The following ERC1 variants were observed in gnomAD, a reference collection of about 807,000 sequenced individuals.
The protein encoded by ERC1 is ELKS/RAB6-interacting/CAST family member 1, also known as RAB6 interacting protein 2.
A neutral mutation model predicts 132.0 loss-of-function variants in ERC1; 56 were observed. The observed-to-expected ratio is 0.42, with a 90% CI of 0.34 to 0.53. The LOEUF (loss-of-function observed/expected upper bound fraction) is 0.53, where lower values mean the gene tolerates loss of function less well. Ranked by LOEUF, ERC1 falls within the 20% of genes least tolerant of loss-of-function variation. The pLI is 0.03. For missense variants in ERC1, 1,202 were observed against 1,349.9 expected, an observed-to-expected ratio of 0.89 and a Z score of 1.72; for synonymous variants, 478 against 476.1, an observed-to-expected ratio of 1.00 and a Z score of -0.05.
At chr12:1,116,836 C>T (rs1051243271) in intron 7 of ERC1, among the ~76,000 whole-genome samples, 8 of 152,178 alleles carry the variant, frequency 5.3e-5, no homozygotes, top group Non-Finnish European at 1.2e-4. Context: ...CCGCCTCTGC[C>T]TCCCAAAGTG....
At chr12:1,363,686 C>A (rs1000399734) in intron 15 of ERC1, among the ~76,000 whole-genome samples, 5 of 151,652 alleles carry the variant, frequency 3.3e-5, no homozygotes, top group African/African-American at 1.2e-4. Context: ...CCCCAGGTAG[C>A]TGGGACTATA....
intron 8 of ERC1, among the ~76,000 whole-genome samples, chr12:1,160,689 C>T (rs1179192082): frequency 6.6e-6 from 1 of 151,946 alleles, no homozygotes; most frequent in South Asian, 2.1e-4. Context: ...CCAGCCTGGG[C>T]GAAAGAACAA....
chr12:1,494,998 G>A lies in ERC1; in HGVS notation c.*4768G>A. 4.3e-6 allele frequency: 1 copy of A among 230,066 alleles called. No individual in the cohort carries two copies. Among genetic ancestry groups the A allele is most frequent in the Non-Finnish European group, 8.6e-6 (1 of 116,058 alleles). The allele number at this position is 230,066 out of a possible 1,614,324, so 14.3% of individuals were successfully genotyped here. ...GAGACACCTGCCGAGCAAAAGGAAC[G>A]AGAATCTGGGGCTCAGAGCCTCGCA... is the stretch of plus-strand genomic sequence containing the variant. On this transcript the variant is annotated 3_prime_UTR_variant, in exon 19 of 19. Coordinates refer to ENST00000360905, the MANE Select transcript of ERC1 (RefSeq NM_178040.4).
chr12:1,013,749 GGTCT>G (rs1368622863), intron 1 of ERC1, among the ~76,000 whole-genome samples: 4 of 151,820 alleles, frequency 2.6e-5, no homozygotes, highest in South Asian at 2.1e-4. Flanking sequence ...TCTGTCTTTG[GGTCT>G]GTCTGTCTTC....
chr12:1,459,301 A>T (rs12422849), intron 18 of ERC1, among the ~76,000 whole-genome samples: 9,353 of 152,270 alleles, frequency 0.061, 318 homozygotes, highest in East Asian at 0.12. Context: ...GAAATCTCTG[A>T]ACCTCATGGC....
chr12:1,183,316 T>G lies in ERC1; in HGVS notation c.2052T>G (p.Ser684=). 6.3e-7 allele frequency: 1 copy of G among 1,578,988 alleles called. No homozygotes were observed. The highest frequency in any genetic ancestry group is 8.6e-7 in the Non-Finnish European group (1 of 1,157,122). The part of the protein sequence containing the change: ...SLLDLKEHAS[S]LASSGLKKDS... ...TGGATCTGAAAGAGCATGCTTCTTCTCTGGCATCCTCAGGACTGAAAAAGG... is the reference window on the plus strand; with the variant it reads ...TGGATCTGAAAGAGCATGCTTCTTCGCTGGCATCCTCAGGACTGAAAAAGG... The change falls in exon 11 of 19, where the codon TCT becomes TCG. Residue 684 remains serine (S), a synonymous_variant. Transcript: ENST00000360905.
intron 17 of ERC1, among the ~76,000 whole-genome samples, chr12:1,412,017 A>G (rs2091880835): frequency 2.6e-5 from 4 of 152,242 alleles, no homozygotes; most frequent in Non-Finnish European, 5.9e-5. Flanking sequence ...GCACTAATAT[A>G]TTAACTTTCA....
chr12:1,302,309 T>C (rs567735985), intron 15 of ERC1, among the ~76,000 whole-genome samples: 1 of 152,232 alleles, frequency 6.6e-6, no homozygotes, highest in East Asian at 1.9e-4. Flanking sequence ...CCATTTATGA[T>C]AAAATATCTT....
At chr12:1,158,575 A>G (rs180927565) in intron 8 of ERC1, among the ~76,000 whole-genome samples, 5 of 150,348 alleles carry the variant, frequency 3.3e-5, no homozygotes, top group Admixed American at 3.3e-4. Context: ...GATTACAGGC[A>G]TGCGCCACCA....
At chr12:1,324,686 C>G (rs2082332299) in intron 15 of ERC1, among the ~76,000 whole-genome samples, 1 of 152,168 alleles carries the variant, frequency 6.6e-6, no homozygotes, top group Admixed American at 6.5e-5. Flanking sequence ...ATTTGCTACT[C>G]CTGTTTATTT....
intron 14 of ERC1, among the ~76,000 whole-genome samples, chr12:1,268,531 C>G (rs535027944): frequency 6.6e-6 from 1 of 152,156 alleles, no homozygotes; most frequent in Non-Finnish European, 1.5e-5. Flanking sequence ...GCTTTAGGAA[C>G]AGAGGAAGAG....
intron 16 of ERC1, among the ~76,000 whole-genome samples, chr12:1,397,891 G>T (rs2090673318): frequency 6.6e-6 from 1 of 152,046 alleles, no homozygotes. Flanking sequence ...ATATTAAATT[G>T]TTGACATTCA....
At chr12:1,234,943 A>G (rs2075312857) in intron 12 of ERC1, among the ~76,000 whole-genome samples, 1 of 152,222 alleles carries the variant, frequency 6.6e-6, no homozygotes, top group African/African-American at 2.4e-5. Context: ...AGATGGATTA[A>G]TGACTGCAAC....
At chr12:1,106,459 T>C (rs1380076512) in intron 4 of ERC1, among the ~76,000 whole-genome samples, 2 of 152,208 alleles carry the variant, frequency 1.3e-5, no homozygotes, top group Non-Finnish European at 2.9e-5. Context: ...TAAATAATTT[T>C]ATGTAAATAG....
chr12:1,431,368 A>T (rs929232517), intron 17 of ERC1, among the ~76,000 whole-genome samples: 1 of 152,228 alleles, frequency 6.6e-6, no homozygotes, highest in African/African-American at 2.4e-5. Flanking sequence ...GACCCAATAG[A>T]AACATTTAAC....
chr12:993,306 G>T (rs1482660374), intron 1 of ERC1, among the ~76,000 whole-genome samples: 1 of 152,112 alleles, frequency 6.6e-6, no homozygotes, highest in Admixed American at 6.6e-5. Context: ...TAAGATACTG[G>T]GTAAAACTTG....
intron 18 of ERC1, among the ~76,000 whole-genome samples, chr12:1,447,040 AAAG>A (rs1293532430): frequency 1.3e-5 from 2 of 151,892 alleles, no homozygotes; most frequent in Non-Finnish European, 2.9e-5. Flanking sequence ...AAAAAAAAAA[AAAG>A]GACAGTATTA....
chr12:1,263,193 A>T (rs559774544), intron 14 of ERC1, 28 bp downstream of exon 14: 1 of 1,610,814 alleles, frequency 6.2e-7, no homozygotes, highest in Non-Finnish European at 8.5e-7. Flanking sequence ...GTTCCAAGCA[A>T]TGCTGCTGGT....
At chr12:1,442,899 A>G (rs1224189770) in intron 17 of ERC1, among the ~76,000 whole-genome samples, 1 of 152,082 alleles carries the variant, frequency 6.6e-6, no homozygotes, top group Non-Finnish European at 1.5e-5. Flanking sequence ...ACAAATGATT[A>G]CTTCTTTTTT....
Sources: gnomAD v4.1 joint callset for allele counts (sites outside exome capture counted in the v4.1 genomes callset) on GRCh38, gnomAD v4.1.1 for gene constraint, MANE v1.5 for transcripts, NCBI Gene and HGNC (gene_info 2026-07-23, HGNC 2026-07-21) for gene names.